Variants in PCCA observed in about 807,000 individuals in gnomAD.
PCCA encodes propionyl-CoA carboxylase subunit alpha, also known as propionyl-CoA carboxylase alpha chain, mitochondrial.
In PCCA, 74 loss-of-function variants were observed where a neutral mutation model predicts 101.3. The observed-to-expected ratio is 0.73, with a 90% CI of 0.61 to 0.89. The LOEUF (loss-of-function observed/expected upper bound fraction) is 0.89. Among genes scored for constraint, PCCA ranks in the 40% least tolerant of loss-of-function variants. PCCA has a pLI of 0.00. For synonymous variants in PCCA, 294 were observed against 313.6 expected (o/e 0.94, Z 0.66); for missense variants, 891 against 907.0 (o/e 0.98, Z 0.23).
intron 6 of PCCA, among the ~76,000 whole-genome samples, chr13:100,175,723 C>T (rs2056173875): frequency 6.6e-6 from 1 of 152,132 alleles, no homozygotes. Flanking sequence ...AAGCCAAATA[C>T]CCTGCCAGGC....
chr13:100,253,309 TG>T (rs1472544971), intron 8 of PCCA, among the ~76,000 whole-genome samples: 1 of 152,180 alleles, frequency 6.6e-6, no homozygotes, highest in African/African-American at 2.4e-5. Context: ...TTTAGATGCA[TG>T]TATGTTTGTA....
intron 4 of PCCA, among the ~76,000 whole-genome samples, chr13:100,117,572 A>G (rs889656770): frequency 6.6e-6 from 1 of 152,002 alleles, no homozygotes; most frequent in African/African-American, 2.4e-5. Context: ...GAATTGAACA[A>G]TGAAGACACT....
At chr13:100,133,528 G>C (rs1443213570) in intron 4 of PCCA, among the ~76,000 whole-genome samples, 4 of 152,302 alleles carry the variant, frequency 2.6e-5, no homozygotes, top group African/African-American at 9.6e-5. Flanking sequence ...TTTATTGTTA[G>C]ATATGTGATC....
At chr13:100,506,066 G>T (rs1434372487) in intron 21 of PCCA, among the ~76,000 whole-genome samples, 1 of 152,172 alleles carries the variant, frequency 6.6e-6, no homozygotes, top group Non-Finnish European at 1.5e-5. Flanking sequence ...TGAGAAGGAG[G>T]TAACTTGGTC....
At chr13:100,376,485 A>G (rs922893654) in intron 19 of PCCA, among the ~76,000 whole-genome samples, 2 of 152,156 alleles carry the variant, frequency 1.3e-5, no homozygotes, top group African/African-American at 4.8e-5. Flanking sequence ...TCCCAGGGAG[A>G]TAGGAGTTTT....
intron 6 of PCCA, among the ~76,000 whole-genome samples, chr13:100,158,016 G>T (rs1285607161): frequency 6.6e-6 from 1 of 152,116 alleles, no homozygotes; most frequent in African/African-American, 2.4e-5. Context: ...GCATCATTAG[G>T]CGAGTTCATC....
At chr13:100,374,131 A>AATAC (rs2075753373) in intron 19 of PCCA, among the ~76,000 whole-genome samples, 1 of 152,072 alleles carries the variant, frequency 6.6e-6, no homozygotes, top group Non-Finnish European at 1.5e-5. Flanking sequence ...TAAATAAATA[A>AATAC]ATAAAATAAA....
intron 20 of PCCA, among the ~76,000 whole-genome samples, chr13:100,448,282 T>C (rs2080981605): frequency 6.6e-6 from 1 of 152,312 alleles, no homozygotes; most frequent in African/African-American, 2.4e-5. Context: ...CACCTCCGCC[T>C]CCTGGGTCCA....
intron 7 of PCCA, among the ~76,000 whole-genome samples, chr13:100,219,742 G>A (rs1434230450): frequency 6.6e-6 from 1 of 152,194 alleles, no homozygotes; most frequent in Non-Finnish European, 1.5e-5. Context: ...TTGATTTGCT[G>A]TTAGAACATT....
chr13:100,415,173 G>A (rs1282497017), intron 19 of PCCA, among the ~76,000 whole-genome samples: 2 of 151,578 alleles, frequency 1.3e-5, no homozygotes, highest in Non-Finnish European at 2.9e-5. Flanking sequence ...GAAGGCTCAG[G>A]TGAGAGGATT....
At position 100,401,610 on chromosome 13, in the gene PCCA, G is replaced by C. The variant is rs150344166; in HGVS notation, c.1747-24023G>C. Among the ~76,000 whole-genome samples, 689 of 151,892 alleles carry C rather than the reference G, an allele frequency of 4.5e-3. 7 individuals are homozygous for C. Among genetic ancestry groups the C allele is most frequent in the African/African-American group, 0.016 (658 of 41,404 alleles). On this transcript the variant is annotated intron_variant, in intron 19 of 23. Coordinates refer to ENST00000376285, the MANE Select transcript of PCCA (RefSeq NM_000282.4). ...TGGGAGGCCTTCATGAGTGAATGTAGCTTGCTCATTATTTTTTGTACCATT... is the reference window on the plus strand; with the variant it reads ...TGGGAGGCCTTCATGAGTGAATGTACCTTGCTCATTATTTTTTGTACCATT...
At chr13:100,240,369 G>GT (rs35401040) in intron 8 of PCCA, among the ~76,000 whole-genome samples, 5,345 of 141,108 alleles carry the variant, frequency 0.038, 121 homozygotes, top group Middle Eastern at 0.07. Context: ...CTTAGGATAA[G>GT]TTTTTTTTTT....
chr13:100,514,998 C>G (rs540581759), intron 21 of PCCA, among the ~76,000 whole-genome samples: 1 of 152,340 alleles, frequency 6.6e-6, no homozygotes, highest in South Asian at 2.1e-4. Context: ...CTGTGGGAAG[C>G]TGCAACAGCC....
intron 6 of PCCA, among the ~76,000 whole-genome samples, chr13:100,208,206 A>G (rs1404541395): frequency 1.3e-5 from 2 of 151,962 alleles, no homozygotes; most frequent in Non-Finnish European, 2.9e-5. Context: ...TCCTTGTTCT[A>G]CTTCTACTTC....
intron 4 of PCCA, among the ~76,000 whole-genome samples, chr13:100,117,477 C>A (rs2048903158): frequency 6.7e-6 from 1 of 149,816 alleles, no homozygotes; most frequent in Admixed American, 6.7e-5. Flanking sequence ...AGTTACAGGA[C>A]ATGGATGAAG....
At chr13:100,221,610 C>T (rs893600550) in intron 7 of PCCA, among the ~76,000 whole-genome samples, 2 of 152,152 alleles carry the variant, frequency 1.3e-5, no homozygotes, top group Non-Finnish European at 1.5e-5. Flanking sequence ...ATTACACTCT[C>T]AAATGATTGA....
intron 16 of PCCA, among the ~76,000 whole-genome samples, chr13:100,325,714 G>A (rs975010944): frequency 2.0e-5 from 3 of 152,154 alleles, no homozygotes; most frequent in African/African-American, 7.2e-5. Context: ...AAAATGATAA[G>A]CACCGGCTGC....
chr13:100,216,891 C>G (rs749486739), intron 7 of PCCA, among the ~76,000 whole-genome samples: 9 of 142,844 alleles, frequency 6.3e-5, no homozygotes, highest in Non-Finnish European at 1.4e-4. Flanking sequence ...GGCGGATCAC[C>G]TGAGGTCAGG....
chr13:100,523,067 T>C (rs2087440614), intron 22 of PCCA, among the ~76,000 whole-genome samples: 1 of 152,196 alleles, frequency 6.6e-6, no homozygotes, highest in African/African-American at 2.4e-5. Flanking sequence ...TGAGCGTTCT[T>C]CGTGGTCATG....
Sources: gnomAD v4.1 joint callset for allele counts (sites outside exome capture counted in the v4.1 genomes callset) on GRCh38, gnomAD v4.1.1 for gene constraint, MANE v1.5 for transcripts, NCBI Gene and HGNC (gene_info 2026-07-23, HGNC 2026-07-21) for gene names.